Variants in NAA11 observed in about 807,000 individuals in gnomAD.
NAA11 encodes N-alpha-acetyltransferase 11, NatA catalytic subunit.
In NAA11, 15 loss-of-function variants were observed where a neutral mutation model predicts 16.1. The observed-to-expected ratio is 0.93, with a 90% CI of 0.62 to 1.44. The LOEUF is 1.44. Ranked by LOEUF, NAA11 falls within the 40% of genes most tolerant of loss-of-function variation. The probability of loss-of-function intolerance (pLI) is 0.00; values close to 1 mark genes in which losing one functional copy is unlikely to be tolerated. For missense variants in NAA11, 298 were observed against 291.3 expected, an observed-to-expected ratio of 1.02 and a Z score of -0.17; for synonymous variants, 122 against 112.4, an observed-to-expected ratio of 1.09 and a Z score of -0.54.
the NAA11 span, among the ~76,000 whole-genome samples, chr4:79,166,645 G>A: frequency 5.6e-5 from 8 of 143,420 alleles, no homozygotes; most frequent in Admixed American, 1.4e-4. Context: ...TGAGGCGGGC[G>A]GATCACAAGG....
chr4:79,185,537 C>G, the NAA11 span, among the ~76,000 whole-genome samples: 1 of 152,150 alleles, frequency 6.6e-6, no homozygotes, highest in Admixed American at 6.5e-5. Flanking sequence ...TCCTATAACT[C>G]TTTGGGGAAA....
the NAA11 span, among the ~76,000 whole-genome samples, chr4:79,178,834 G>A: frequency 6.6e-6 from 1 of 152,160 alleles, no homozygotes; most frequent in African/African-American, 2.4e-5. Flanking sequence ...ATGCTATGAT[G>A]TGAAGGTTAA....
At chr4:79,200,163 C>A in the NAA11 span, among the ~76,000 whole-genome samples, 1 of 151,808 alleles carries the variant, frequency 6.6e-6, no homozygotes, top group Non-Finnish European at 1.5e-5. Flanking sequence ...AGTTGTGTGA[C>A]CTGGGACCTC....
chr4:79,246,503 TA>T (rs1721837935), intron 2 of NAA11, among the ~76,000 whole-genome samples: 1 of 152,034 alleles, frequency 6.6e-6, no homozygotes, highest in South Asian at 2.1e-4. Context: ...AATGGATATG[TA>T]AAAAGAAAAA....
At chr4:79,295,218 G>T (rs1011524722) in intron 1 of NAA11, among the ~76,000 whole-genome samples, 4 of 152,226 alleles carry the variant, frequency 2.6e-5, no homozygotes, top group African/African-American at 7.2e-5. Flanking sequence ...CAATGCAATA[G>T]AAGAGGTGAT....
intron 2 of NAA11, among the ~76,000 whole-genome samples, chr4:79,247,252 T>C (rs1215204246): frequency 6.6e-6 from 1 of 152,194 alleles, no homozygotes; most frequent in Admixed American, 6.5e-5. Flanking sequence ...TAGGAAGCCA[T>C]ATACGAGAAA....
intron 2 of NAA11, among the ~76,000 whole-genome samples, chr4:79,228,935 A>G (rs1721390446): frequency 6.6e-6 from 1 of 152,044 alleles, no homozygotes; most frequent in African/African-American, 2.4e-5. Flanking sequence ...CACAGCAAGT[A>G]GGAACATTCT....
chr4:79,312,646 CAAAAAAAAAA>C (rs544315352), downstream of NAA11, among the ~76,000 whole-genome samples: 1 of 69,448 alleles, frequency 1.4e-5, no homozygotes, highest in Non-Finnish European at 2.6e-5. Context: ...GACTCCATCT[CAAAAAAAAAA>C]AAAAAAAAAA....
At chr4:79,219,257 C>G in the NAA11 span, among the ~76,000 whole-genome samples, 2 of 152,056 alleles carry the variant, frequency 1.3e-5, no homozygotes. Context: ...GAAGAGTAGT[C>G]ATTATTTCCA....
At chr4:79,303,838 CA>C (rs905014874) in intron 1 of NAA11, among the ~76,000 whole-genome samples, 6 of 152,132 alleles carry the variant, frequency 3.9e-5, no homozygotes, top group African/African-American at 1.4e-4. Context: ...ACTTAAAGAT[CA>C]AAATGATTAG....
At chr4:79,177,403 T>C in the NAA11 span, among the ~76,000 whole-genome samples, 2 of 19,878 alleles carry the variant, frequency 1.0e-4, no homozygotes, top group South Asian at 0.011. Context: ...TTTTGACTTA[T>C]CAAAAAAAAA....
chr4:79,211,656 G>A, the NAA11 span: 2 of 152,214 alleles, frequency 1.3e-5, no homozygotes, highest in African/African-American at 4.8e-5. Context: ...CAGAAGGTGG[G>A]GCGGTACCTC....
At chr4:79,213,966 T>C in the NAA11 span, among the ~76,000 whole-genome samples, 11 of 152,222 alleles carry the variant, frequency 7.2e-5, no homozygotes, top group Admixed American at 7.2e-4. Flanking sequence ...TGGCTAGTAC[T>C]GTTTCTTACT....
At chr4:79,257,755 A>C (rs1422506492) in intron 2 of NAA11, among the ~76,000 whole-genome samples, 1 of 152,194 alleles carries the variant, frequency 6.6e-6, no homozygotes, top group Non-Finnish European at 1.5e-5. Context: ...TTTTATTAAT[A>C]CATTTTAACT....
chr4:79,244,638 C>CCCCCTCTCCCGTCT (rs60096999), intron 2 of NAA11: 14 of 44,388 alleles, frequency 3.2e-4, no homozygotes, highest in African/African-American at 5.1e-4. Flanking sequence ...CCCTCCCCCT[C>CCCCCTCTCCCGTCT]CCCGTCTCCG....
intron 2 of NAA11, among the ~76,000 whole-genome samples, chr4:79,261,340 C>G (rs546643822): frequency 6.6e-6 from 1 of 152,112 alleles, no homozygotes; most frequent in Non-Finnish European, 1.5e-5. Flanking sequence ...GAAACCCCTT[C>G]TAAGATTCTA....
At chr4:79,223,917 C>A (rs1056568130), downstream of NAA11, among the ~76,000 whole-genome samples, 2 of 152,018 alleles carry the variant, frequency 1.3e-5, no homozygotes, top group Non-Finnish European at 2.9e-5. Context: ...CATAGAAATT[C>A]TCACTTTATT....
At chr4:79,297,502 C>G (rs1016266697) in intron 1 of NAA11, among the ~76,000 whole-genome samples, 4 of 152,218 alleles carry the variant, frequency 2.6e-5, no homozygotes, top group African/African-American at 9.6e-5. Flanking sequence ...GAAGGCCCCC[C>G]TGTCCCCTCA....
chr4:79,220,290 G>A, the NAA11 span, among the ~76,000 whole-genome samples: 656 of 152,168 alleles, frequency 4.3e-3, 21 homozygotes, highest in East Asian at 0.056. Context: ...ACGGCGTTTC[G>A]CCATATTGGC....
Sources: gnomAD v4.1 joint callset for allele counts (sites outside exome capture counted in the v4.1 genomes callset) on GRCh38, gnomAD v4.1.1 for gene constraint, MANE v1.5 for transcripts, NCBI Gene and HGNC (gene_info 2026-07-23, HGNC 2026-07-21) for gene names.